The following CHLSN variants were observed in gnomAD, a reference collection of about 807,000 sequenced individuals.
The protein encoded by CHLSN is cholesin, also known as protein cholesin.
the CHLSN span, among the ~76,000 whole-genome samples, chr7:1,070,599 CAT>C: frequency 1.4e-5 from 2 of 147,058 alleles, no homozygotes; most frequent in African/African-American, 5.1e-5. Flanking sequence ...CACGCACACA[CAT>C]GCACACATGC....
the CHLSN span, among the ~76,000 whole-genome samples, chr7:1,038,670 C>G: frequency 7.8e-6 from 1 of 128,058 alleles, no homozygotes; most frequent in African/African-American, 3.1e-5. Flanking sequence ...GGGGTCAGCC[C>G]CCCGCCTGGC....
At chr7:1,084,648 C>T in the CHLSN span, among the ~76,000 whole-genome samples, 14 of 152,306 alleles carry the variant, frequency 9.2e-5, no homozygotes, top group Non-Finnish European at 1.5e-4. Flanking sequence ...AGCCTCACTC[C>T]GCCCAGCAGA....
At chr7:1,073,230 T>C in the CHLSN span, among the ~76,000 whole-genome samples, 1 of 152,106 alleles carries the variant, frequency 6.6e-6, no homozygotes. Flanking sequence ...TACACCCTCC[T>C]TCGGTGTGAA....
At chr7:1,041,642 A>G in the CHLSN span, among the ~76,000 whole-genome samples, 76 of 152,344 alleles carry the variant, frequency 5.0e-4, no homozygotes, top group African/African-American at 1.7e-3. Context: ...CCACAAAGAA[A>G]GTCACAAGCC....
At chr7:1,083,872 C>T in the CHLSN span, among the ~76,000 whole-genome samples, 5 of 152,328 alleles carry the variant, frequency 3.3e-5, no homozygotes, top group African/African-American at 7.2e-5. Flanking sequence ...GCACTGTTTC[C>T]GGGCTCGGCA....
At chr7:1,061,328 G>A in the CHLSN span, among the ~76,000 whole-genome samples, 2 of 152,138 alleles carry the variant, frequency 1.3e-5, no homozygotes, top group South Asian at 4.1e-4. Flanking sequence ...GCCCCACACA[G>A]GGCAGGCACA....
the CHLSN span, among the ~76,000 whole-genome samples, chr7:1,071,022 G>T: frequency 0.11 from 17,423 of 152,236 alleles, 1,212 homozygotes; most frequent in Middle Eastern, 0.26. Flanking sequence ...GCACACACAT[G>T]CACACACATG....
the CHLSN span, among the ~76,000 whole-genome samples, chr7:1,035,188 T>G: frequency 2.7e-5 from 4 of 149,044 alleles, no homozygotes; most frequent in Admixed American, 2.7e-4. Flanking sequence ...ATGTCTTTGC[T>G]ATTGTGAACA....
the CHLSN span, chr7:996,865 AC>A: frequency 2.6e-5 from 4 of 152,232 alleles, no homozygotes; most frequent in Non-Finnish European, 5.9e-5. Flanking sequence ...ACTGCCAGGA[AC>A]GCCACACACA....
At chr7:1,117,347 A>G in the CHLSN span, among the ~76,000 whole-genome samples, 10 of 106,364 alleles carry the variant, frequency 9.4e-5, 1 homozygote, top group African/African-American at 1.4e-4. Context: ...CCCACGCAGG[A>G]TGATGACATC....
chr7:1,017,489 G>A, the CHLSN span, among the ~76,000 whole-genome samples: 1 of 152,328 alleles, frequency 6.6e-6, no homozygotes, highest in South Asian at 2.1e-4. Flanking sequence ...CGGGTGACGG[G>A]GCCAGGGCTC....
At chr7:1,118,817 A>AAG in the CHLSN span, among the ~76,000 whole-genome samples, 1 of 140,872 alleles carries the variant, frequency 7.1e-6, no homozygotes, top group East Asian at 1.9e-4. Flanking sequence ...AAAAAAAAAA[A>AAG]AAAAAAGAGG....
chr7:1,047,668 T>C, the CHLSN span, among the ~76,000 whole-genome samples: 928 of 152,396 alleles, frequency 6.1e-3, 14 homozygotes, highest in African/African-American at 0.021. Context: ...GCATGGCAGG[T>C]TCGGCCAGGA....
chr7:992,277 G>C, the CHLSN span, among the ~76,000 whole-genome samples: 1 of 152,182 alleles, frequency 6.6e-6, no homozygotes, highest in South Asian at 2.1e-4. Context: ...TCTGAGGCTG[G>C]CCCTCAGCCG....
the CHLSN span, among the ~76,000 whole-genome samples, chr7:1,049,103 AC>A: frequency 1.3e-5 from 2 of 152,158 alleles, no homozygotes; most frequent in African/African-American, 4.8e-5. Context: ...TGCAAGCGCC[AC>A]CCACAGGTGC....
the CHLSN span, among the ~76,000 whole-genome samples, chr7:979,010 G>C: frequency 6.6e-6 from 1 of 152,282 alleles, no homozygotes; most frequent in East Asian, 1.9e-4. Context: ...GCCCCTCTAC[G>C]AGCTGCTGGG....
At chr7:1,077,069 G>C in the CHLSN span, among the ~76,000 whole-genome samples, 1 of 152,384 alleles carries the variant, frequency 6.6e-6, no homozygotes, top group Non-Finnish European at 1.5e-5. Context: ...GAGACTGTAC[G>C]ACAGGGTCCG....
chr7:1,036,844 T>A, the CHLSN span, among the ~76,000 whole-genome samples: 1 of 148,084 alleles, frequency 6.8e-6, no homozygotes, highest in Non-Finnish European at 1.5e-5. Context: ...GCGTGGTGGC[T>A]CATGCCTGTA....
the CHLSN span, chr7:1,093,831 TG>T: frequency 3.0e-6 from 1 of 335,014 alleles, no homozygotes. Flanking sequence ...GGCTCTGTCT[TG>T]GGGGTCTGCC....
Sources: allele counts gnomAD v4.1 joint callset (sites outside exome capture counted in the v4.1 genomes callset), GRCh38; gene constraint gnomAD v4.1.1; transcripts MANE v1.5; gene names NCBI Gene and HGNC (gene_info 2026-07-23, HGNC 2026-07-21).